NR1D2: variants seen among roughly 807,000 people sequenced by gnomAD.
NR1D2 encodes nuclear receptor subfamily 1 group D member 2, also known as V-erbA-related protein 1-related.
Under a neutral mutation model 52.2 loss-of-function variants are expected in NR1D2, and 25 were observed. The observed-to-expected ratio is 0.48, with a 90% CI of 0.35 to 0.67. The LOEUF is 0.67. NR1D2 is among the 30% of genes least tolerant of loss of function. The pLI, the probability that NR1D2 is intolerant of heterozygous loss-of-function variation, is 0.01. For missense variants in NR1D2, 681 were observed against 707.2 expected, an observed-to-expected ratio of 0.96 and a Z score of 0.42; for synonymous variants, 259 against 230.1, an observed-to-expected ratio of 1.13 and a Z score of -1.14.
chr3:23,968,384 A>G (rs1049346274), intron 7 of NR1D2, among the ~76,000 whole-genome samples: 1 of 152,258 alleles, frequency 6.6e-6, no homozygotes, highest in African/African-American at 2.4e-5. Context: ...TTCAAATACA[A>G]TGTGGGTTAC....
chr3:23,955,801 C>T (rs916091203), intron 2 of NR1D2, among the ~76,000 whole-genome samples: 4 of 151,100 alleles, frequency 2.6e-5, no homozygotes, highest in Admixed American at 1.3e-4. Context: ...CCAGCCTGGG[C>T]GACAGAGGGA....
In NR1D2 at chr3:23,946,358, C is replaced by A. The variant is rs549283213; in HGVS notation, c.16+764C>A. The A allele has an allele frequency of 4.7e-5, 44 of 933,782 alleles. No individual in the cohort carries two copies. The African/African-American group carries it at 7.1e-4, about 15-fold the overall frequency. 57.8% of individuals were successfully genotyped at this position (933,782 alleles called of 1,614,324 possible). On this transcript the variant is annotated intron_variant, in intron 1 of 7. Transcript: ENST00000312521. ...CCGAGGAGGAAGTGCAGGACGAGGG[C>A]GTGCTGCAGGCCGGAGGAGGCGCCT... is the stretch of plus-strand genomic sequence containing the variant.
rs578131251 is a variant in NR1D2, at chr3:23,965,137, A to G, written c.1307A>G (p.Asn436Ser). The G allele has an allele frequency of 6.8e-6, 11 of 1,611,072 alleles. No homozygotes were observed. In the East Asian group the frequency reaches 8.9e-5, roughly 13 times the overall value. ...FRDLSQHDQV[N>S]LLKAGTFEVL... ...GATCTCTCTCAGCATGACCAGGTCA[A>G]CCTTTTAAAGGCTGGGACTTTTGAG... Residue 436 changes from asparagine to serine, a missense_variant, in exon 6 of 8, where the codon AAC becomes AGC. Asn to Ser is a conservative substitution (Grantham distance 46, BLOSUM62 1). Transcript: ENST00000312521.
chr3:23,970,778 G>GTTT (rs573305002), intron 7 of NR1D2, among the ~76,000 whole-genome samples: 3 of 150,630 alleles, frequency 2.0e-5, no homozygotes, highest in African/African-American at 7.4e-5. Flanking sequence ...GTTGTTGTTT[G>GTTT]TTTTTTTATT....
At chr3:23,960,671 T>C (rs1213489472) in intron 4 of NR1D2, among the ~76,000 whole-genome samples, 2 of 152,230 alleles carry the variant, frequency 1.3e-5, no homozygotes, top group Non-Finnish European at 2.9e-5. Flanking sequence ...ATTGATGTTT[T>C]GTTTTTTCAA....
At chr3:23,959,621 G>A in intron 3 of NR1D2, 50 bp from the exon 4 acceptor site, 1 of 1,574,180 alleles carries the variant, frequency 6.4e-7, no homozygotes, top group Non-Finnish European at 8.6e-7. Context: ...TTTATAAGAA[G>A]TTCATTTGGG....
rs139592582 is a variant in NR1D2, at chr3:23,965,192, C to G, written c.1332+30C>G. On this transcript the variant is annotated intron_variant, in intron 6 of 7. Coordinates refer to ENST00000312521, the MANE Select transcript of NR1D2 (RefSeq NM_005126.5). ...GTTTTATTTATCCTGAATATTGATG[C>G]AGGCAGGGCATGTAGTATTTTATTT... 8.8e-4 allele frequency: 1,222 copies of G among 1,383,850 alleles called. 4 individuals are homozygous for G. The highest frequency in any genetic ancestry group is 5.8e-3 in the Middle Eastern group (31 of 5,382). The allele number at this position is 1,383,850 out of a possible 1,614,324, so 85.7% of individuals were successfully genotyped here.
Position 23,962,576 on chromosome 3 carries a change from C to G in NR1D2, c.1117C>G (p.Leu373Val). The change falls in exon 5 of 8, where the codon CTG (leucine) becomes GTG (valine). Residue 373 changes from leucine to valine, a missense_variant. Transcript: ENST00000312521. ...FSQNENKNSY[L>V]CNTGGRMHLV... is the part of the protein sequence containing the mutation. ...TCAGAATGAGAACAAGAATAGTTACCTGTGCAACACTGGAGGAAGAATGCA... is the reference window on the plus strand; with the variant it reads ...TCAGAATGAGAACAAGAATAGTTACGTGTGCAACACTGGAGGAAGAATGCA... The G allele has an allele frequency of 6.2e-7, 1 of 1,606,468 alleles. No individual in the cohort carries two copies. The highest frequency in any genetic ancestry group is 1.7e-5 in the Admixed American group (1 of 59,774).
At position 23,954,684 on chromosome 3, in the gene NR1D2, CCAAGAATGGTGATCT is replaced by C. The variant is rs1225586011; in HGVS notation, c.166_180del (p.Lys56_Leu60del). ...TCTAATTCTGATACCAATGGTAATC[CCAAGAATGGTGATCT>C]CGCCAATATTGAAGGCATCTTGAAG... On this transcript the variant is annotated inframe_deletion, in exon 2 of 8. Transcript: ENST00000312521. The C allele has an allele frequency of 1.9e-6, 3 of 1,613,892 alleles. No individual in the cohort carries two copies. The highest frequency in any genetic ancestry group is 2.5e-6 in the Non-Finnish European group (3 of 1,179,968).
At chr3:23,959,589 C>T (rs927994853) in intron 3 of NR1D2, 82 bp from the exon 4 acceptor site, 1 of 1,350,534 alleles carries the variant, frequency 7.4e-7, no homozygotes, top group Admixed American at 2.0e-5. Flanking sequence ...GTCATATACA[C>T]TAGATAGGTA....
In NR1D2 at chr3:23,949,078, C is replaced by T. The variant is rs146668749; in HGVS notation, c.16+3484C>T. ...TAATGTCTATTTTATAAAATAAGAC[C>T]GATTTGGCTGGGCATGGTGGCTCAT... is the stretch of plus-strand genomic sequence containing the variant. On this transcript the variant is annotated intron_variant, in intron 1 of 7. Coordinates refer to ENST00000312521, the MANE Select transcript of NR1D2 (RefSeq NM_005126.5). Among the ~76,000 whole-genome samples, 854 of 152,004 alleles carry T rather than the reference C, an allele frequency of 5.6e-3. 8 individuals are homozygous for T. Among genetic ancestry groups the T allele is most frequent in the African/African-American group, 0.019 (800 of 41,430 alleles).
intron 1 of NR1D2, among the ~76,000 whole-genome samples, chr3:23,948,973 C>A (rs1221983090): frequency 1.3e-5 from 2 of 152,204 alleles, no homozygotes; most frequent in Admixed American, 6.5e-5. Context: ...TCAGTCCTCT[C>A]TTTAGTCATG....
At chr3:23,965,235 C>CTTTTT (rs371267256) in intron 6 of NR1D2, 73 bp downstream of exon 6, 30 of 309,298 alleles carry the variant, frequency 9.7e-5, no homozygotes, top group African/African-American at 3.4e-4. Flanking sequence ...TGTTTTAATT[C>CTTTTT]TTTTTTTTTT....
At chr3:23,945,628 C>G in intron 1 of NR1D2, 34 bp downstream of exon 1, 1 of 1,037,008 alleles carries the variant, frequency 9.6e-7, no homozygotes, top group Non-Finnish European at 1.2e-6. Context: ...GGGGGATGGC[C>G]GGAGGGAGCG....
intron 6 of NR1D2, among the ~76,000 whole-genome samples, chr3:23,967,167 A>G (rs1365250449): frequency 1.3e-5 from 2 of 152,144 alleles, no homozygotes; most frequent in Admixed American, 6.5e-5. Flanking sequence ...CTCTACTAAA[A>G]ATAAAATCAG....
intron 1 of NR1D2, among the ~76,000 whole-genome samples, chr3:23,951,945 T>G (rs1169354981): frequency 1.3e-5 from 2 of 152,220 alleles, no homozygotes; most frequent in Non-Finnish European, 2.9e-5. Context: ...GATTTTAGAA[T>G]AAATGGTAGA....
Position 23,977,447 on chromosome 3 carries a change from A to C in NR1D2, c.*28A>C. The stretch of plus-strand genomic sequence containing the variant: ...CCTTTGTTTATTTAAACATGAACTG[A>C]TGGTAACTGTACATTTTGTGCTAAA... On this transcript the variant is annotated 3_prime_UTR_variant, in exon 8 of 8. Coordinates refer to ENST00000312521, the MANE Select transcript of NR1D2 (RefSeq NM_005126.5). 6.9e-7 allele frequency: 1 copy of C among 1,449,646 alleles called. No individual in the cohort carries two copies. The highest frequency in any genetic ancestry group is 9.4e-7 in the Non-Finnish European group (1 of 1,066,352). The allele number at this position is 1,449,646 out of a possible 1,614,324, so 89.8% of individuals were successfully genotyped here. A position where few individuals can be genotyped will look rare whatever the true frequency, so the allele number is the denominator to read the frequency against.
intron 1 of NR1D2, among the ~76,000 whole-genome samples, chr3:23,947,856 G>A (rs188818672): frequency 1.1e-4 from 16 of 152,282 alleles, no homozygotes; most frequent in East Asian, 3.9e-4. Flanking sequence ...AGTGGCTCAC[G>A]CCTGTAATCC....
chr3:23,962,386 T>A lies in NR1D2; in HGVS notation c.927T>A (p.Phe309Leu). The A allele has an allele frequency of 6.2e-7, 1 of 1,614,156 alleles. No homozygotes were observed. Among genetic ancestry groups the A allele is most frequent in the Non-Finnish European group, 8.5e-7 (1 of 1,180,010 alleles). ...DHCGNGLSSH[F>L]PCSESQQHLN... Reference sequence around the variant, plus strand: ...GCGGCAATGGGCTTAGCAGCCATTTTCCCTGTAGTGAGAGCCAGCAGCATC... The same window carrying A: ...GCGGCAATGGGCTTAGCAGCCATTTACCCTGTAGTGAGAGCCAGCAGCATC... The change falls in exon 5 of 8, where the codon TTT becomes TTA. Residue 309 changes from phenylalanine (F) to leucine (L), a missense_variant. Physicochemically the swap from Phe to Leu is conservative, Grantham distance 22. This residue lies in a region of NR1D2 where 475 missense variants were observed against 454.5 expected (regional missense o/e 1.05). Transcript: ENST00000312521.
Sources: allele counts gnomAD v4.1 joint callset (sites outside exome capture counted in the v4.1 genomes callset), GRCh38; gene constraint gnomAD v4.1.1; regional missense constraint gnomAD v4.1.1; transcripts MANE v1.5; gene names NCBI Gene and HGNC (gene_info 2026-07-23, HGNC 2026-07-21).